RBMS3: variants seen among roughly 807,000 people sequenced by gnomAD.
RBMS3 encodes RNA-binding motif, single-stranded-interacting protein 3.
Under a neutral mutation model 66.8 loss-of-function variants are expected in RBMS3, and 27 were observed. The observed-to-expected ratio is 0.40, with a 90% CI of 0.30 to 0.56. The LOEUF is 0.56. Among genes scored for constraint, RBMS3 ranks in the 20% least tolerant of loss-of-function variants. The pLI, the probability that RBMS3 is intolerant of heterozygous loss-of-function variation, is 0.40. For synonymous variants in RBMS3, 188 were observed against 183.0 expected, an observed-to-expected ratio of 1.03 and a Z score of -0.22; for missense variants, 513 against 549.5, an observed-to-expected ratio of 0.93 and a Z score of 0.66.
chr3:29,715,418 A>G (rs1396065423), intron 4 of RBMS3, among the ~76,000 whole-genome samples: 1 of 152,168 alleles, frequency 6.6e-6, no homozygotes, highest in Non-Finnish European at 1.5e-5. Flanking sequence ...TTCTCTGTAT[A>G]TCATACTGCA....
intron 10 of RBMS3, among the ~76,000 whole-genome samples, chr3:29,917,891 T>C (rs2060679583): frequency 6.6e-6 from 1 of 152,168 alleles, no homozygotes; most frequent in Non-Finnish European, 1.5e-5. Context: ...TGGAGTCTTC[T>C]ATGCTTTGGA....
chr3:29,591,018 C>A (rs1471583157), intron 4 of RBMS3, among the ~76,000 whole-genome samples: 1 of 152,146 alleles, frequency 6.6e-6, no homozygotes, highest in East Asian at 1.9e-4. Context: ...AATCTCAAAT[C>A]AGCAATTTGT....
chr3:29,572,172 G>A (rs923028277), intron 3 of RBMS3, among the ~76,000 whole-genome samples: 2 of 151,938 alleles, frequency 1.3e-5, no homozygotes, highest in African/African-American at 4.8e-5. Context: ...TAGTATTTTT[G>A]GTAGAGTCTT....
intron 9 of RBMS3, among the ~76,000 whole-genome samples, chr3:29,898,035 C>T (rs997174391): frequency 2.0e-5 from 3 of 151,706 alleles, no homozygotes; most frequent in East Asian, 2.0e-4. Flanking sequence ...TCAGGGGTTC[C>T]GCATGTTGGA....
intron 3 of RBMS3, among the ~76,000 whole-genome samples, chr3:29,524,433 T>TA (rs1048069067): frequency 7.2e-6 from 1 of 138,808 alleles, no homozygotes; most frequent in African/African-American, 2.7e-5. Context: ...TTTTTTTTTT[T>TA]TTTTTTTTTT....
intron 3 of RBMS3, among the ~76,000 whole-genome samples, chr3:29,519,018 C>T (rs775897861): frequency 3.3e-5 from 5 of 152,080 alleles, no homozygotes; most frequent in South Asian, 2.1e-4. Context: ...GCAAATTCTG[C>T]GCTTTGAGTG....
intron 1 of RBMS3, among the ~76,000 whole-genome samples, chr3:29,385,313 C>T (rs2038965462): frequency 6.6e-6 from 1 of 152,130 alleles, no homozygotes; most frequent in Non-Finnish European, 1.5e-5. Flanking sequence ...TTAGCACTCC[C>T]CACAGATTTG....
intron 2 of RBMS3, among the ~76,000 whole-genome samples, chr3:29,470,710 G>T (rs569128840): frequency 1.3e-5 from 2 of 152,100 alleles, no homozygotes; most frequent in Non-Finnish European, 2.9e-5. Flanking sequence ...TTATTGGAAT[G>T]CTTATATACC....
intron 6 of RBMS3, among the ~76,000 whole-genome samples, chr3:29,856,507 G>A (rs192431003): frequency 2.4e-3 from 363 of 152,234 alleles, no homozygotes; most frequent in Non-Finnish European, 3.7e-3. Context: ...GACGTTATCC[G>A]ATAGGTGGGC....
intron 12 of RBMS3, among the ~76,000 whole-genome samples, chr3:29,944,688 C>A (rs1242124294): frequency 6.6e-6 from 1 of 151,684 alleles, no homozygotes; most frequent in East Asian, 1.9e-4. Flanking sequence ...GGAAAATCAT[C>A]CCATTTGCTT....
intron 4 of RBMS3, among the ~76,000 whole-genome samples, chr3:29,696,711 G>A (rs950547366): frequency 6.6e-6 from 1 of 152,172 alleles, no homozygotes; most frequent in African/African-American, 2.4e-5. Context: ...CTTCTGGGGA[G>A]GTTCAGGAGC....
chr3:29,376,674 G>A (rs960031006), intron 1 of RBMS3, among the ~76,000 whole-genome samples: 4 of 152,158 alleles, frequency 2.6e-5, no homozygotes, highest in African/African-American at 4.8e-5. Context: ...TTGGGAGGCC[G>A]AGGTGAGCGG....
chr3:29,701,297 A>G (rs182860090), intron 4 of RBMS3, among the ~76,000 whole-genome samples: 233 of 152,262 alleles, frequency 1.5e-3, no homozygotes, highest in African/African-American at 5.2e-3. Context: ...AAAAAAAGAA[A>G]AAAAGTTTTA....
chr3:29,752,390 G>A (rs1475294870), intron 5 of RBMS3, among the ~76,000 whole-genome samples: 1 of 152,094 alleles, frequency 6.6e-6, no homozygotes, highest in African/African-American at 2.4e-5. Flanking sequence ...ATTTGGGTGG[G>A]AAAACAGGGA....
intron 4 of RBMS3, among the ~76,000 whole-genome samples, chr3:29,627,584 A>G (rs987130272): frequency 6.6e-6 from 1 of 152,160 alleles, no homozygotes; most frequent in Non-Finnish European, 1.5e-5. Context: ...CCAGGAAAGC[A>G]TTCTGTGAAT....
chr3:29,884,203 G>A lies in RBMS3; in HGVS notation c.786G>A (p.Gln262=). Residue 262 remains glutamine (Q), a synonymous_variant, in exon 8 of 15, where the codon CAG becomes CAA. Transcript: ENST00000383767. ...ALTYDPTAAI[Q]NGFYSSPYSI... is the part of the protein sequence containing the mutation. Reference sequence around the variant, plus strand: ...CCTATGACCCCACAGCTGCCATACAGAATGGGTAAGTAGATCACATTTTCT... The same window carrying A: ...CCTATGACCCCACAGCTGCCATACAAAATGGGTAAGTAGATCACATTTTCT... 1 of 1,610,004 alleles carries A rather than the reference G, an allele frequency of 6.2e-7. No homozygotes were observed. Among genetic ancestry groups the A allele is most frequent in the Non-Finnish European group, 8.5e-7 (1 of 1,176,842 alleles).
At chr3:29,484,414 A>G (rs1266633589) in intron 2 of RBMS3, among the ~76,000 whole-genome samples, 1 of 152,060 alleles carries the variant, frequency 6.6e-6, no homozygotes, top group Non-Finnish European at 1.5e-5. Context: ...ACGACTTCAT[A>G]TGGTCTTTTT....
chr3:29,769,867 T>TAA (rs1441101487), intron 6 of RBMS3, among the ~76,000 whole-genome samples: 2 of 151,892 alleles, frequency 1.3e-5, no homozygotes, highest in African/African-American at 4.8e-5. Context: ...AGGAAAATCT[T>TAA]AAAATATTTT....
chr3:29,676,578 C>G (rs1246300932), intron 4 of RBMS3, among the ~76,000 whole-genome samples: 3 of 152,046 alleles, frequency 2.0e-5, no homozygotes, highest in African/African-American at 7.2e-5. Flanking sequence ...CAAAATTGTT[C>G]ACTTTAGTTC....
Sources: gnomAD v4.1 joint callset for allele counts (sites outside exome capture counted in the v4.1 genomes callset) on GRCh38, gnomAD v4.1.1 for gene constraint, MANE v1.5 for transcripts, NCBI Gene and HGNC (gene_info 2026-07-23, HGNC 2026-07-21) for gene names.